Variants in PHLPP1 observed in about 807,000 individuals in gnomAD.
PHLPP1 encodes the protein PH domain leucine-rich repeat-containing protein phosphatase 1.
A neutral mutation model predicts 117.2 loss-of-function variants in PHLPP1; 42 were observed. The ratio of observed to expected loss-of-function variants is 0.36; its 90% CI spans 0.28 to 0.46. The LOEUF (loss-of-function observed/expected upper bound fraction) is 0.46, where lower values mean the gene tolerates loss of function less well. Ranked by LOEUF, PHLPP1 falls within the 20% of genes least tolerant of loss-of-function variation. PHLPP1 has a pLI of 1.00. For synonymous variants in PHLPP1, 1,042 were observed against 970.7 expected (o/e 1.07, Z -1.37); for missense variants, 2,084 against 2,241.9 (o/e 0.93, Z 1.42).
At chr18:62,890,732 T>G (rs1297663495) in intron 4 of PHLPP1, among the ~76,000 whole-genome samples, 1 of 152,222 alleles carries the variant, frequency 6.6e-6, no homozygotes, top group Non-Finnish European at 1.5e-5. Flanking sequence ...AGCCAATGCT[T>G]TCATTTCTCA....
chr18:62,789,001 A>C (rs1751731019), intron 1 of PHLPP1, among the ~76,000 whole-genome samples: 1 of 152,146 alleles, frequency 6.6e-6, no homozygotes, highest in Non-Finnish European at 1.5e-5. Flanking sequence ...GCTTGCCTCC[A>C]TTCCCATCGC....
chr18:62,791,539 A>G (rs1672046373), intron 1 of PHLPP1, among the ~76,000 whole-genome samples: 1 of 152,144 alleles, frequency 6.6e-6, no homozygotes, highest in African/African-American at 2.4e-5. Context: ...TCAAGCTACA[A>G]AGGGAGATCC....
intron 1 of PHLPP1, among the ~76,000 whole-genome samples, chr18:62,742,350 CTA>C (rs1227093442): frequency 6.6e-6 from 1 of 152,080 alleles, no homozygotes; most frequent in Admixed American, 6.5e-5. Context: ...TTGATTGACT[CTA>C]TGTTATCTGA....
At chr18:62,945,084 A>G in intron 11 of PHLPP1, 25 bp from the exon 12 acceptor site, 5 of 1,514,302 alleles carry the variant, frequency 3.3e-6, no homozygotes, top group Non-Finnish European at 4.4e-6. Context: ...TTTCTTTTAA[A>G]TTGCTTTATT....
intron 13 of PHLPP1, among the ~76,000 whole-genome samples, chr18:62,961,006 A>C (rs779395570): frequency 1.3e-5 from 2 of 152,194 alleles, no homozygotes; most frequent in African/African-American, 2.4e-5. Context: ...ATTTAAAGAT[A>C]TACAAGATGG....
chr18:62,969,568 C>A (rs917901163), intron 14 of PHLPP1, among the ~76,000 whole-genome samples: 4 of 152,224 alleles, frequency 2.6e-5, no homozygotes, highest in African/African-American at 4.8e-5. Context: ...TCTTCTTCTT[C>A]TGTTGATGAT....
At chr18:62,753,689 C>T (rs945542237) in intron 1 of PHLPP1, among the ~76,000 whole-genome samples, 4 of 152,176 alleles carry the variant, frequency 2.6e-5, no homozygotes, top group African/African-American at 9.6e-5. Context: ...GGATGGGCTT[C>T]ACCCTTCCTT....
chr18:62,917,644 T>C (rs962276553), intron 9 of PHLPP1, among the ~76,000 whole-genome samples: 2 of 151,156 alleles, frequency 1.3e-5, no homozygotes, highest in African/African-American at 4.9e-5. Context: ...TGCAAGAACC[T>C]ATCTCTGCAA....
chr18:62,764,698 T>C (rs557746129), intron 1 of PHLPP1, among the ~76,000 whole-genome samples: 6 of 152,378 alleles, frequency 3.9e-5, no homozygotes, highest in East Asian at 3.9e-4. Flanking sequence ...CCTAGGGTTC[T>C]TGGGGATGAA....
intron 1 of PHLPP1, among the ~76,000 whole-genome samples, chr18:62,806,017 C>T (rs1031396208): frequency 1.3e-5 from 2 of 151,866 alleles, no homozygotes; most frequent in Non-Finnish European, 2.9e-5. Flanking sequence ...TGTTCTGTTT[C>T]TTTTGTAGTA....
chr18:62,902,893 T>A, intron 6 of PHLPP1, 71 bp from the exon 7 acceptor site: 1 of 900,690 alleles, frequency 1.1e-6, no homozygotes, highest in Admixed American at 2.1e-5. Context: ...TCGCTATTTC[T>A]CATATTAGGG....
At chr18:62,937,367 C>T (rs1910006462) in intron 10 of PHLPP1, among the ~76,000 whole-genome samples, 1 of 152,214 alleles carries the variant, frequency 6.6e-6, no homozygotes, top group Admixed American at 6.5e-5. Context: ...TTCTTGAGTA[C>T]TGTGCTATTT....
chr18:62,879,202 A>G (rs759753250), intron 4 of PHLPP1, among the ~76,000 whole-genome samples: 7 of 152,158 alleles, frequency 4.6e-5, no homozygotes, highest in Non-Finnish European at 7.3e-5. Context: ...TGAGGGCTCT[A>G]CCTTCATGAA....
chr18:62,844,021 G>A (rs1205096351), intron 3 of PHLPP1, among the ~76,000 whole-genome samples: 1 of 152,116 alleles, frequency 6.6e-6, no homozygotes, highest in Non-Finnish European at 1.5e-5. Flanking sequence ...AAAGTTTAGT[G>A]ACTTCTGTAA....
intron 4 of PHLPP1, among the ~76,000 whole-genome samples, chr18:62,864,086 G>A (rs1915706246): frequency 6.6e-6 from 1 of 152,086 alleles, no homozygotes; most frequent in African/African-American, 2.4e-5. Flanking sequence ...CAGTGGCACA[G>A]TCTCGGCTCA....
chr18:62,766,566 G>A (rs1912541193), intron 1 of PHLPP1, among the ~76,000 whole-genome samples: 1 of 152,126 alleles, frequency 6.6e-6, no homozygotes. Flanking sequence ...TGACTAGGTA[G>A]AGAAACTGGC....
intron 1 of PHLPP1, among the ~76,000 whole-genome samples, chr18:62,748,276 G>A (rs1421194591): frequency 5.4e-5 from 8 of 147,700 alleles, no homozygotes; most frequent in Admixed American, 4.1e-4. Flanking sequence ...TGAGGGTATC[G>A]CTCTGTCATC....
intron 2 of PHLPP1, among the ~76,000 whole-genome samples, chr18:62,837,389 TCTTAATCTCTGGCGAATCTGTAG>T (rs1207643053): frequency 1.3e-5 from 2 of 152,202 alleles, no homozygotes; most frequent in Non-Finnish European, 2.9e-5. Context: ...AATATTCTCT[TCTTAATCTCTGGCGAATCTGTAG>T]CTGTGTCTCC....
intron 1 of PHLPP1, among the ~76,000 whole-genome samples, chr18:62,821,920 A>G (rs1227102364): frequency 3.3e-5 from 5 of 151,960 alleles, no homozygotes; most frequent in African/African-American, 1.2e-4. Context: ...CACTATGCCC[A>G]TCTCTACAAA....
Sources: allele counts gnomAD v4.1 joint callset (sites outside exome capture counted in the v4.1 genomes callset), GRCh38; gene constraint gnomAD v4.1.1; transcripts MANE v1.5; gene names NCBI Gene and HGNC (gene_info 2026-07-23, HGNC 2026-07-21).